The following GRID2 variants were observed in gnomAD, a reference collection of about 807,000 sequenced individuals.
GRID2 encodes the protein glutamate ionotropic receptor delta type subunit 2.
Under a neutral mutation model 114.8 loss-of-function variants are expected in GRID2, and 33 were observed. The observed-to-expected ratio is 0.29, with a 90% confidence interval of 0.22 to 0.38. The LOEUF (loss-of-function observed/expected upper bound fraction) is 0.38. Ranked by LOEUF, GRID2 falls within the 10% of genes least tolerant of loss-of-function variation. GRID2 has a pLI of 1.00. For synonymous variants in GRID2, 505 were observed against 449.9 expected (o/e 1.12, Z -1.55); for missense variants, 1,184 against 1,257.7 (o/e 0.94, Z 0.89).
At chr4:93,660,897 T>A (rs1405434642) in intron 14 of GRID2, among the ~76,000 whole-genome samples, 1 of 151,962 alleles carries the variant, frequency 6.6e-6, no homozygotes, top group South Asian at 2.1e-4. Context: ...AATCTTACAC[T>A]GAGACTGTTA....
rs1004477449 is a variant in GRID2, at chr4:93,102,436, A to G, written c.530-8312A>G. 2.0e-5 allele frequency among the ~76,000 whole-genome samples: 3 copies of G among 152,186 alleles called. No individual in the cohort carries two copies. The East Asian group carries it at 5.8e-4, about 29-fold the overall frequency. Reference sequence around the variant, plus strand: ...GTACACATTTGTTACCCATATTCACAAAAACAAAGAAAAAATCAACTTTAG... The same window carrying G: ...GTACACATTTGTTACCCATATTCACGAAAACAAAGAAAAAATCAACTTTAG... On this transcript the variant is annotated intron_variant, in intron 3 of 15. Coordinates refer to ENST00000282020, the MANE Select transcript of GRID2 (RefSeq NM_001510.4).
At chr4:92,476,062 G>C (rs1391480294) in intron 1 of GRID2, among the ~76,000 whole-genome samples, 3 of 116,288 alleles carry the variant, frequency 2.6e-5, no homozygotes, top group African/African-American at 3.3e-5. Flanking sequence ...CTCTACCTCT[G>C]TCTCCCAAGC....
chr4:93,364,989 T>C (rs1457922020), intron 8 of GRID2, among the ~76,000 whole-genome samples: 2 of 152,188 alleles, frequency 1.3e-5, no homozygotes, highest in Non-Finnish European at 2.9e-5. Flanking sequence ...TTTGTCTTTA[T>C]TCTTTTTTGT....
At chr4:93,448,430 A>T (rs1324614052) in intron 10 of GRID2, among the ~76,000 whole-genome samples, 1 of 151,962 alleles carries the variant, frequency 6.6e-6, no homozygotes, top group Non-Finnish European at 1.5e-5. Flanking sequence ...ATTAAATAAG[A>T]TACATTTTTG....
At chr4:92,665,442 G>A (rs1732724684) in intron 2 of GRID2, among the ~76,000 whole-genome samples, 2 of 151,184 alleles carry the variant, frequency 1.3e-5, no homozygotes, top group African/African-American at 4.8e-5. Flanking sequence ...AAATTATGTG[G>A]AAACAATATG....
At chr4:92,920,430 T>C (rs891683070) in intron 2 of GRID2, among the ~76,000 whole-genome samples, 4 of 152,220 alleles carry the variant, frequency 2.6e-5, no homozygotes, top group Non-Finnish European at 5.9e-5. Flanking sequence ...TTGATGCAGT[T>C]TCTTCCTAGC....
chr4:93,084,920 C>A, intron 2 of GRID2, 75 bp from the exon 3 acceptor site: 1 of 1,063,224 alleles, frequency 9.4e-7, no homozygotes, highest in Non-Finnish European at 1.4e-6. Flanking sequence ...AAGCTTTATC[C>A]ATCCAGTGCT....
Position 93,491,659 on chromosome 4 carries a change from G to T in GRID2, c.1997+882G>T, listed in dbSNP as rs548227687. Among the ~76,000 whole-genome samples the T allele has an allele frequency of 1.7e-3, 251 of 151,930 alleles. 1 individual carries two copies. Among genetic ancestry groups the T allele is most frequent in the Admixed American group, 2.6e-3 (40 of 15,224 alleles). ...TTGGACATTCATTTCCCAAAAAGCTGACAATTCAAATTCAGAATAATTAGA... is the reference window on the plus strand; with the variant it reads ...TTGGACATTCATTTCCCAAAAAGCTTACAATTCAAATTCAGAATAATTAGA... On this transcript the variant is annotated intron_variant, in intron 12 of 15. Coordinates refer to ENST00000282020, the MANE Select transcript of GRID2 (RefSeq NM_001510.4).
At chr4:93,471,931 C>G (rs972978441) in intron 11 of GRID2, among the ~76,000 whole-genome samples, 4 of 149,934 alleles carry the variant, frequency 2.7e-5, no homozygotes, top group Admixed American at 2.0e-4. Context: ...AACTCCCGAC[C>G]TCAGGTGGTC....
rs1726937669 is a variant in GRID2 at position 92,332,380 on chromosome 4, C to T, written c.88+27636C>T. On this transcript the variant is annotated intron_variant, in intron 1 of 15. Coordinates refer to ENST00000282020, the MANE Select transcript of GRID2 (RefSeq NM_001510.4). ...ATTCATGAAGGTGGAGCCCTCATGA[C>T]TTAAACACTTCCTGTTAGACCCCAG... is the stretch of plus-strand genomic sequence containing the variant. 2.0e-5 allele frequency among the ~76,000 whole-genome samples: 3 copies of T among 152,098 alleles called. No individual in the cohort carries two copies. In the South Asian group the frequency reaches 6.2e-4, roughly 32 times the overall value.
chr4:93,586,725 C>T (rs1367101838), intron 13 of GRID2, among the ~76,000 whole-genome samples: 1 of 152,068 alleles, frequency 6.6e-6, no homozygotes, highest in African/African-American at 2.4e-5. Flanking sequence ...GGATGCAAAA[C>T]CTTCTGTTCC....
chr4:92,960,525 C>G (rs541178364), intron 2 of GRID2, among the ~76,000 whole-genome samples: 11 of 151,980 alleles, frequency 7.2e-5, no homozygotes, highest in Non-Finnish European at 1.3e-4. Context: ...CTCCTTATCT[C>G]TGATACTATC....
At chr4:93,348,343 A>G (rs1760450562) in intron 8 of GRID2, among the ~76,000 whole-genome samples, 1 of 152,192 alleles carries the variant, frequency 6.6e-6, no homozygotes, top group South Asian at 2.1e-4. Flanking sequence ...ATAGCAATGT[A>G]TATTTGAACC....
At chr4:93,412,779 A>C (rs1364389013) in intron 9 of GRID2, among the ~76,000 whole-genome samples, 1 of 151,878 alleles carries the variant, frequency 6.6e-6, no homozygotes, top group Non-Finnish European at 1.5e-5. Flanking sequence ...CCAGTGTGTG[A>C]TGTTCCCCTC....
Position 93,515,284 on chromosome 4 carries a change from A to G in GRID2, c.2066A>G (p.Glu689Gly). 1 of 1,609,714 alleles carries G rather than the reference A, an allele frequency of 6.2e-7. No homozygotes were observed. Among genetic ancestry groups the G allele is most frequent in the African/African-American group, 1.3e-5 (1 of 74,938 alleles). The part of the protein sequence containing the change: ...YGTVLDSAVY[E>G]HVRMKGLNPF... ...ACAGTCCTAGACTCTGCGGTATATG[A>G]GCATGTCCGCATGAAAGGACTGAAT... Residue 689 changes from glutamate (E) to glycine (G), a missense_variant, in exon 13 of 16, where the codon GAG (glutamate) becomes GGG (glycine). Physicochemically the swap from Glu to Gly is moderately conservative, Grantham distance 98 (BLOSUM62 -2). Transcript: ENST00000282020.
At chr4:93,136,858 A>C (rs1289837412) in intron 4 of GRID2, among the ~76,000 whole-genome samples, 1 of 152,182 alleles carries the variant, frequency 6.6e-6, no homozygotes, top group Non-Finnish European at 1.5e-5. Context: ...ATAAAATACT[A>C]TCCAAATCTT....
chr4:93,237,383 A>G (rs1293707943), intron 7 of GRID2, among the ~76,000 whole-genome samples: 1 of 151,954 alleles, frequency 6.6e-6, no homozygotes, highest in African/African-American at 2.4e-5. Flanking sequence ...GCTACAAGGC[A>G]CAAATGAAGT....
At chr4:93,108,279 T>G (rs1418738142) in intron 3 of GRID2, among the ~76,000 whole-genome samples, 4 of 152,194 alleles carry the variant, frequency 2.6e-5, no homozygotes, top group African/African-American at 7.2e-5. Flanking sequence ...TTTGTTTACT[T>G]GTTTATTGTC....
intron 2 of GRID2, among the ~76,000 whole-genome samples, chr4:92,768,561 T>G: frequency 6.6e-6 from 1 of 152,202 alleles, no homozygotes; most frequent in Non-Finnish European, 1.5e-5. Flanking sequence ...TAGTTTATTT[T>G]CCCATTGCTA....
Sources: allele counts gnomAD v4.1 joint callset (sites outside exome capture counted in the v4.1 genomes callset), GRCh38; gene constraint gnomAD v4.1.1; transcripts MANE v1.5; gene names NCBI Gene and HGNC (gene_info 2026-07-23, HGNC 2026-07-21).